Variants in PSMF1 observed in about 807,000 individuals in gnomAD.
PSMF1 encodes the protein proteasome inhibitor subunit 1.
PSMF1 carries 30 observed loss-of-function variants against 29.3 expected under a neutral mutation model. That is an observed-to-expected ratio of 1.02 (90% confidence interval 0.77 to 1.39). The LOEUF (loss-of-function observed/expected upper bound fraction) is 1.39. PSMF1 is among the 40% of genes most tolerant of loss of function. PSMF1 has a pLI of 0.00. For synonymous variants in PSMF1, 134 were observed against 139.7 expected (o/e 0.96, Z 0.29); for missense variants, 344 against 357.5 (o/e 0.96, Z 0.31).
Position 1,167,980 on chromosome 20 carries a change from C to T in PSMF1, c.*2900C>T, listed in dbSNP as rs1227351010. On this transcript the variant is annotated 3_prime_UTR_variant, in exon 7 of 7. Coordinates refer to ENST00000335877, the MANE Select transcript of PSMF1 (RefSeq NM_006814.5). The stretch of plus-strand genomic sequence containing the variant: ...TGGTAATTTATGAGGGTTCCAGTTT[C>T]CCCACATCTTCACCAACTCTTGTTA... The T allele has an allele frequency of 6.6e-6, 1 of 152,256 alleles. No homozygotes were observed. Among genetic ancestry groups the T allele is most frequent in the Non-Finnish European group, 1.5e-5 (1 of 68,050 alleles). 9.4% of individuals were successfully genotyped at this position (152,256 alleles called of 1,614,324 possible). A position where few individuals can be genotyped will look rare whatever the true frequency, so the allele number is the denominator to read the frequency against.
At chr20:1,141,024 TATA>T (rs2086373759) in intron 4 of PSMF1, among the ~76,000 whole-genome samples, 1 of 152,224 alleles carries the variant, frequency 6.6e-6, no homozygotes, top group Non-Finnish European at 1.5e-5. Context: ...AAGGATTTGT[TATA>T]ATGTGGATGA....
Position 1,164,238 on chromosome 20 carries a change from G to A in PSMF1, c.606-80G>A, listed in dbSNP as rs1213848897. The A allele has an allele frequency of 7.2e-7, 1 of 1,396,380 alleles. No homozygotes were observed. Among genetic ancestry groups the A allele is most frequent in the Non-Finnish European group, 1.0e-6 (1 of 987,224 alleles). 86.5% of individuals were successfully genotyped at this position (1,396,380 alleles called of 1,614,324 possible). A position where few individuals can be genotyped will look rare whatever the true frequency, so the allele number is the denominator to read the frequency against. Reference sequence around the variant, plus strand: ...AGAGTAGACATCCCAGCCATTCTTGGTGCATTGTAACCTCCCTCGCCTTTT... The same window carrying A: ...AGAGTAGACATCCCAGCCATTCTTGATGCATTGTAACCTCCCTCGCCTTTT... On this transcript the variant is annotated intron_variant, in intron 5 of 6. Coordinates refer to ENST00000335877, the MANE Select transcript of PSMF1 (RefSeq NM_006814.5). The surrounding 1 kb of genome is among the most constrained non-coding windows in gnomAD (Gnocchi z 4.1).
rs1435649718 is a variant in PSMF1 at position 1,171,392 on chromosome 20, C to T, written c.*6312C>T. Reference sequence around the variant, plus strand: ...TCTGCTGGGCTCTGTCACCTGGCTCCATGTGCTGCTCACCTCGGCCTTCTG... The same window carrying T: ...TCTGCTGGGCTCTGTCACCTGGCTCTATGTGCTGCTCACCTCGGCCTTCTG... On this transcript the variant is annotated 3_prime_UTR_variant, in exon 7 of 7. Transcript: ENST00000335877. Among the ~76,000 whole-genome samples the T allele has an allele frequency of 6.6e-6, 1 of 152,194 alleles. No individual in the cohort carries two copies. The highest frequency in any genetic ancestry group is 2.4e-5 in the African/African-American group (1 of 41,454).
At chr20:1,131,437 A>G (rs1156380335) in intron 3 of PSMF1, among the ~76,000 whole-genome samples, 2 of 152,230 alleles carry the variant, frequency 1.3e-5, no homozygotes, top group Non-Finnish European at 2.9e-5. Context: ...TGAGAATGGA[A>G]TGAGATGTCA....
chr20:1,146,646 CT>C (rs1410002560), intron 4 of PSMF1, among the ~76,000 whole-genome samples: 2 of 150,496 alleles, frequency 1.3e-5, no homozygotes, highest in Non-Finnish European at 3.0e-5. Context: ...TGCCCCACCT[CT>C]CCCCCCACGT....
intron 1 of PSMF1, among the ~76,000 whole-genome samples, 161 bp from the exon 2 acceptor site, chr20:1,125,337 G>A (rs759524533): frequency 2.0e-5 from 3 of 152,150 alleles, no homozygotes; most frequent in Non-Finnish European, 2.9e-5. Flanking sequence ...CTGGGCCCTA[G>A]ACCTCTCTCT....
intron 4 of PSMF1, chr20:1,161,561 G>T: frequency 1.6e-6 from 1 of 609,296 alleles, no homozygotes; most frequent in East Asian, 3.1e-5. Context: ...CAAGATCATC[G>T]TGCTCCCAGA....
At chr20:1,118,998 T>C (rs2122431660) in intron 1 of PSMF1, 96 bp downstream of exon 1, 1 of 1,485,926 alleles carries the variant, frequency 6.7e-7, no homozygotes, top group Non-Finnish European at 9.2e-7. Flanking sequence ...ATTTCCCCGC[T>C]TCTCCCAGTG....
chr20:1,158,204 T>C (rs2086618882), intron 4 of PSMF1, among the ~76,000 whole-genome samples: 1 of 145,290 alleles, frequency 6.9e-6, no homozygotes, highest in South Asian at 2.2e-4. Flanking sequence ...GTCAATCTTT[T>C]AAAAACTAAA....
In PSMF1 at chr20:1,168,784, T is replaced by C. The variant is rs535910471; in HGVS notation, c.*3704T>C. ...TCTTCACAGGAGGAATATTAGAATCTATGGAGCAGTTAGTATTCTTTGTCA... is the reference window on the plus strand; with the variant it reads ...TCTTCACAGGAGGAATATTAGAATCCATGGAGCAGTTAGTATTCTTTGTCA... On this transcript the variant is annotated 3_prime_UTR_variant, in exon 7 of 7. Transcript: ENST00000335877. 2.0e-5 allele frequency among the ~76,000 whole-genome samples: 3 copies of C among 152,362 alleles called. No individual in the cohort carries two copies. The highest frequency in any genetic ancestry group is 7.2e-5 in the African/African-American group (3 of 41,590).
intron 1 of PSMF1, among the ~76,000 whole-genome samples, chr20:1,120,360 C>A (rs2086071303): frequency 6.6e-6 from 1 of 152,200 alleles, no homozygotes; most frequent in African/African-American, 2.4e-5. Flanking sequence ...CACACACATA[C>A]CTGGAAGCAG....
chr20:1,164,473 C>A lies in PSMF1; in HGVS notation c.761C>A (p.Pro254His), dbSNP rs1190739813. The change falls in exon 6 of 7, where the codon CCC (proline) becomes CAC (histidine). Residue 254 changes from proline (P) to histidine (H), a missense_variant. Physicochemically the swap from Pro to His is moderately conservative, Grantham distance 77. Transcript: ENST00000335877. The surrounding 1 kb of genome is among the most constrained non-coding windows in gnomAD (Gnocchi z 4.1). ...DPFGPIGTSP[P>H]GPNPDHLPPP... is the part of the protein sequence containing the mutation. ...TTTGGACCCATTGGGACCAGCCCAC[C>A]CGGGTACGTAGTCACTCAGGTATGC... The A allele has an allele frequency of 1.2e-6, 2 of 1,614,112 alleles. No homozygotes were observed. The highest frequency in any genetic ancestry group is 1.7e-6 in the Non-Finnish European group (2 of 1,179,994).
In PSMF1 at chr20:1,166,339, C is replaced by A; in HGVS notation, c.*1259C>A. The A allele has an allele frequency of 7.4e-7, 1 of 1,354,720 alleles. No homozygotes were observed. The highest frequency in any genetic ancestry group is 1.0e-6 in the Non-Finnish European group (1 of 958,492). The allele number at this position is 1,354,720 out of a possible 1,614,324, so 83.9% of individuals were successfully genotyped here. On this transcript the variant is annotated 3_prime_UTR_variant, in exon 7 of 7. Coordinates refer to ENST00000335877, the MANE Select transcript of PSMF1 (RefSeq NM_006814.5). The stretch of plus-strand genomic sequence containing the variant: ...CAAGGCGGTAGTCACTTCCGCTCTG[C>A]AGCTAGCATTTCAACCATATGTGGA...
chr20:1,151,253 A>C (rs1175939626), intron 4 of PSMF1, among the ~76,000 whole-genome samples: 3 of 152,184 alleles, frequency 2.0e-5, no homozygotes, highest in African/African-American at 7.2e-5. Context: ...TCCCCTCAAC[A>C]ATTCCATGAG....
In PSMF1 at chr20:1,165,275, A is replaced by G. The variant is rs2086715169; in HGVS notation, c.*195A>G. 4 of 1,421,646 alleles carry G rather than the reference A, an allele frequency of 2.8e-6. No individual in the cohort carries two copies. The highest frequency in any genetic ancestry group is 3.0e-5 in the Admixed American group (1 of 33,434). 88.1% of individuals were successfully genotyped at this position (1,421,646 alleles called of 1,614,324 possible). On this transcript the variant is annotated 3_prime_UTR_variant, in exon 7 of 7. Transcript: ENST00000335877. Reference sequence around the variant, plus strand: ...TGCAGCTCTCCACCTAGCTGCAGATAGCTCCCAAAGAGAAATCAGTGTGTC... The same window carrying G: ...TGCAGCTCTCCACCTAGCTGCAGATGGCTCCCAAAGAGAAATCAGTGTGTC...
rs138230764 is a variant in PSMF1 at position 1,140,258 on chromosome 20, T to C, written c.551+4952T>C. Among the ~76,000 whole-genome samples the C allele has an allele frequency of 4.7e-3, 712 of 152,230 alleles. 3 individuals carry two copies. The highest frequency in any genetic ancestry group is 7.9e-3 in the Non-Finnish European group (536 of 67,998). ...TGGCACTGGCATTAGGATAAACATA[T>C]AGAGCAAGGAAATAGAATTGAGAGT... On this transcript the variant is annotated intron_variant, in intron 4 of 6. Transcript: ENST00000335877.
chr20:1,143,050 C>A (rs983505423), intron 4 of PSMF1, among the ~76,000 whole-genome samples: 1 of 152,080 alleles, frequency 6.6e-6, no homozygotes, highest in African/African-American at 2.4e-5. Flanking sequence ...ATTAAAAAAT[C>A]AGCATAGTAA....
chr20:1,117,481 C>A (rs577109230), upstream of PSMF1, among the ~76,000 whole-genome samples: 1 of 152,226 alleles, frequency 6.6e-6, no homozygotes, highest in East Asian at 1.9e-4. Flanking sequence ...GTACCTGGGA[C>A]TAAAGGCGTG....
At chr20:1,150,742 T>G (rs1417501629) in intron 4 of PSMF1, among the ~76,000 whole-genome samples, 1 of 152,192 alleles carries the variant, frequency 6.6e-6, no homozygotes, top group African/African-American at 2.4e-5. Context: ...TTTTTTTTAA[T>G]TATTGTTAAA....
Sources: allele counts gnomAD v4.1 joint callset (sites outside exome capture counted in the v4.1 genomes callset), GRCh38; gene constraint gnomAD v4.1.1; non-coding constraint Gnocchi (gnomAD v3.1); transcripts MANE v1.5; gene names NCBI Gene and HGNC (gene_info 2026-07-23, HGNC 2026-07-21).